DLG2: variants seen among roughly 807,000 people sequenced by gnomAD.
The protein encoded by DLG2 is disks large homolog 2.
DLG2 carries 45 observed loss-of-function variants against 132.5 expected under a neutral mutation model. That is an observed-to-expected ratio of 0.34 (90% CI 0.27 to 0.44). The LOEUF (loss-of-function observed/expected upper bound fraction) is 0.44. Among genes scored for constraint, DLG2 ranks in the 20% least tolerant of loss-of-function variants. The pLI is 1.00. For missense variants in DLG2, 1,045 were observed against 1,196.9 expected (o/e 0.87, Z 1.87); for synonymous variants, 424 against 419.6 (o/e 1.01, Z -0.13).
intron 6 of DLG2, among the ~76,000 whole-genome samples, chr11:85,030,973 G>C (rs2060951071): frequency 6.6e-6 from 1 of 151,666 alleles, no homozygotes; most frequent in Non-Finnish European, 1.5e-5. Flanking sequence ...TTTTATTTTA[G>C]ATTCAGGAAG....
chr11:84,303,066 G>C (rs929015523), intron 7 of DLG2, among the ~76,000 whole-genome samples: 2 of 152,142 alleles, frequency 1.3e-5, no homozygotes, highest in African/African-American at 4.8e-5. Context: ...AGCTGAGATT[G>C]CACCACTGCA....
intron 8 of DLG2, among the ~76,000 whole-genome samples, chr11:84,206,797 G>A (rs1027200848): frequency 2.0e-5 from 3 of 151,736 alleles, no homozygotes; most frequent in African/African-American, 7.3e-5. Flanking sequence ...ATAAAATTTG[G>A]GGAATAATGC....
At chr11:85,413,234 C>T (rs533596500) in intron 3 of DLG2, among the ~76,000 whole-genome samples, 1 of 151,870 alleles carries the variant, frequency 6.6e-6, no homozygotes, top group Admixed American at 6.6e-5. Context: ...TATTCATGTC[C>T]TTAGCCCACT....
At chr11:84,947,198 C>T (rs1047426884) in intron 6 of DLG2, among the ~76,000 whole-genome samples, 1 of 152,120 alleles carries the variant, frequency 6.6e-6, no homozygotes, top group African/African-American at 2.4e-5. Flanking sequence ...TAATTGCTTA[C>T]CTGATTTTTG....
intron 6 of DLG2, among the ~76,000 whole-genome samples, chr11:84,654,668 A>G (rs1233364955): frequency 6.6e-6 from 1 of 152,158 alleles, no homozygotes; most frequent in Non-Finnish European, 1.5e-5. Context: ...GCTGGCTGGT[A>G]TGTTCAATAT....
chr11:84,819,723 GA>G (rs982583238), intron 6 of DLG2, among the ~76,000 whole-genome samples: 2 of 151,838 alleles, frequency 1.3e-5, no homozygotes, highest in Non-Finnish European at 2.9e-5. Context: ...GGGGATGTTA[GA>G]AACACTGACA....
chr11:85,247,475 C>T (rs1325019832), intron 4 of DLG2, among the ~76,000 whole-genome samples: 1 of 152,004 alleles, frequency 6.6e-6, no homozygotes, highest in Non-Finnish European at 1.5e-5. Flanking sequence ...AACCCTGATA[C>T]TTCCTGTGGC....
At chr11:84,193,282 T>C (rs1307202529) in intron 8 of DLG2, among the ~76,000 whole-genome samples, 3 of 152,134 alleles carry the variant, frequency 2.0e-5, no homozygotes, top group African/African-American at 7.2e-5. Context: ...AGGCCAATTT[T>C]AAGGGAAAAC....
At chr11:84,674,129 G>A (rs1278488675) in intron 6 of DLG2, among the ~76,000 whole-genome samples, 1 of 152,154 alleles carries the variant, frequency 6.6e-6, no homozygotes, top group African/African-American at 2.4e-5. Context: ...ACATAGTGAT[G>A]AGTGTCCTTC....
At chr11:84,024,827 T>TG (rs2095495743) in intron 11 of DLG2, among the ~76,000 whole-genome samples, 1 of 151,294 alleles carries the variant, frequency 6.6e-6, no homozygotes, top group Admixed American at 6.6e-5. Context: ...TTTTTTTTTT[T>TG]GGGTTCTATT....
intron 6 of DLG2, among the ~76,000 whole-genome samples, chr11:84,915,515 C>G (rs2092399292): frequency 6.6e-6 from 1 of 152,176 alleles, no homozygotes. Flanking sequence ...TTTCTGAACA[C>G]ACTTGAGAAT....
intron 3 of DLG2, among the ~76,000 whole-genome samples, chr11:85,559,381 C>T (rs2077101882): frequency 6.6e-6 from 1 of 151,226 alleles, no homozygotes; most frequent in Non-Finnish European, 1.5e-5. Flanking sequence ...GATCTCTTGA[C>T]CTCGTGATCT....
intron 6 of DLG2, among the ~76,000 whole-genome samples, chr11:84,981,440 T>C (rs563388813): frequency 2.9e-4 from 44 of 152,254 alleles, no homozygotes; most frequent in African/African-American, 1.0e-3. Context: ...GATCTGGCAC[T>C]GTAACTGTGT....
At chr11:84,170,735 T>C (rs2095801485) in intron 8 of DLG2, among the ~76,000 whole-genome samples, 1 of 152,122 alleles carries the variant, frequency 6.6e-6, no homozygotes, top group South Asian at 2.1e-4. Flanking sequence ...TACTCCTGAG[T>C]CTGTGATTTA....
At chr11:84,583,288 C>G (rs2154529428) in intron 6 of DLG2, among the ~76,000 whole-genome samples, 1 of 152,286 alleles carries the variant, frequency 6.6e-6, no homozygotes, top group East Asian at 1.9e-4. Context: ...TGCTCCCTCT[C>G]CCTGTTGCTT....
chr11:83,532,665 T>A lies in DLG2; in HGVS notation c.2193+43A>T, dbSNP rs143700420. On this transcript the variant is annotated intron_variant, in intron 21 of 27. Coordinates refer to ENST00000376104, the MANE Select transcript of DLG2 (RefSeq NM_001142699.3). ...AATGTGTTAATTATAGTTAAATCCA[T>A]GGCAACTGAGAGAACTTGATGTTTC... 3.2e-4 allele frequency: 505 copies of A among 1,565,240 alleles called. No homozygotes were observed. The African/African-American group carries it at 6.4e-3, about 20-fold the overall frequency.
intron 4 of DLG2, among the ~76,000 whole-genome samples, chr11:85,279,024 C>G (rs574607834): frequency 6.6e-6 from 1 of 152,224 alleles, no homozygotes; most frequent in South Asian, 2.1e-4. Flanking sequence ...GTTATTTCCT[C>G]TAAAGTATAA....
At chr11:85,412,752 C>CAT (rs1458933936) in intron 3 of DLG2, among the ~76,000 whole-genome samples, 7 of 125,430 alleles carry the variant, frequency 5.6e-5, no homozygotes, top group African/African-American at 1.9e-4. Context: ...CACACACACA[C>CAT]ACACACACAT....
intron 7 of DLG2, among the ~76,000 whole-genome samples, chr11:84,325,978 A>G (rs1212150246): frequency 6.6e-6 from 1 of 152,028 alleles, no homozygotes; most frequent in Non-Finnish European, 1.5e-5. Context: ...TTGGAAGGTT[A>G]TATGTTTCTA....
Sources: allele counts gnomAD v4.1 joint callset (sites outside exome capture counted in the v4.1 genomes callset), GRCh38; gene constraint gnomAD v4.1.1; transcripts MANE v1.5; gene names NCBI Gene and HGNC (gene_info 2026-07-23, HGNC 2026-07-21).